IGF2: variants seen among roughly 807,000 people sequenced by gnomAD.
IGF2 encodes the protein insulin-like growth factor 2.
In IGF2, 2 loss-of-function variants were observed where a neutral mutation model predicts 12.0. That is an observed-to-expected ratio of 0.17 (90% confidence interval 0.07 to 0.52). The LOEUF (loss-of-function observed/expected upper bound fraction) is 0.52, where lower values mean the gene tolerates loss of function less well. IGF2 is among the 20% of genes least tolerant of loss of function. The pLI, the probability that IGF2 is intolerant of heterozygous loss-of-function variation, is 0.95. For synonymous variants in IGF2, 105 were observed against 110.1 expected, an observed-to-expected ratio of 0.95 and a Z score of 0.29; for missense variants, 211 against 268.0, an observed-to-expected ratio of 0.79 and a Z score of 1.48.
At chr11:2,135,773 T>C (rs564109401) in intron 1 of IGF2, among the ~76,000 whole-genome samples, 1 of 152,348 alleles carries the variant, frequency 6.6e-6, no homozygotes, top group African/African-American at 2.4e-5. Flanking sequence ...TCCTTCCATT[T>C]GCAAGAAGCA....
the IGF2 span, chr11:2,146,463 C>T: frequency 5.7e-6 from 3 of 522,368 alleles, no homozygotes; most frequent in Non-Finnish European, 1.2e-5. Flanking sequence ...AGGACCCGAA[C>T]TGCAACCCTC....
At chr11:2,135,710 C>T (rs1564896898) in intron 1 of IGF2, among the ~76,000 whole-genome samples, 181 bp from the exon 2 acceptor site, 1 of 152,192 alleles carries the variant, frequency 6.6e-6, no homozygotes, top group Non-Finnish European at 1.5e-5. Context: ...GAGGTGAGGG[C>T]GCAGGGCCAT....
Position 2,133,091 on chromosome 11 carries a change from C to T in IGF2, c.439G>A (p.Glu147Lys), listed in dbSNP as rs150866176. Residue 147 changes from glutamate (E) to lysine (K), a missense_variant, in exon 4 of 4, where the codon GAG becomes AAG. By Grantham distance (56) the Glu-to-Lys change is moderately conservative. Around this residue, in one of 3 missense-constraint regions of IGF2, gnomAD observed 141 missense variants for 153.1 expected, o/e 0.92. Transcript: ENST00000416167. The surrounding 1 kb of genome is among the most constrained non-coding windows in gnomAD (Gnocchi z 8.9). ...TGACGTTTGGCCTCCCTGAACGCCT[C>T]GAGCTCCTTGGCGAGCACGTGACCC... is the stretch of plus-strand genomic sequence containing the variant. ...RRGHVLAKEL[E>K]AFREAKRHRP... 248 of 1,608,036 alleles carry T rather than the reference C, an allele frequency of 1.5e-4. No homozygotes were observed. Among genetic ancestry groups the T allele is most frequent in the African/African-American group, 2.1e-4 (16 of 74,868 alleles).
At chr11:2,135,784 C>T (rs1858973493) in intron 1 of IGF2, among the ~76,000 whole-genome samples, 1 of 152,222 alleles carries the variant, frequency 6.6e-6, no homozygotes, top group African/African-American at 2.4e-5. Context: ...GCAAGAAGCA[C>T]TAGTAATTTT....
chr11:2,149,325 A>G, the IGF2 span: 1 of 1,612,398 alleles, frequency 6.2e-7, no homozygotes, highest in Non-Finnish European at 8.5e-7. Context: ...GACGTGGAGG[A>G]GGAGAGGGAC....
intron 2 of IGF2, among the ~76,000 whole-genome samples, chr11:2,135,148 G>A (rs898679174): frequency 5.3e-5 from 8 of 152,178 alleles, no homozygotes; most frequent in African/African-American, 1.9e-4. Context: ...GGGCACCTCT[G>A]GCCCACCCTT....
the IGF2 span, chr11:2,149,429 C>T: frequency 8.6e-7 from 1 of 1,168,164 alleles, no homozygotes; most frequent in East Asian, 2.4e-5. Flanking sequence ...CTGAGCATGG[C>T]ACCTGCTCAA....
At chr11:2,140,857 C>T, upstream of IGF2, 1 of 349,724 alleles carries the variant, frequency 2.9e-6, no homozygotes. Context: ...GGGAGCTCAC[C>T]GCGAAGCTGG....
At chr11:2,135,192 G>A (rs1031677810) in intron 2 of IGF2, among the ~76,000 whole-genome samples, 175 bp downstream of exon 2, 2 of 152,226 alleles carry the variant, frequency 1.3e-5, no homozygotes, top group African/African-American at 4.8e-5. Flanking sequence ...GGCAGCTGGT[G>A]TGGATGCCCT....
chr11:2,136,826 G>T (rs1029233583), intron 1 of IGF2, among the ~76,000 whole-genome samples: 33 of 152,224 alleles, frequency 2.2e-4, no homozygotes, highest in African/African-American at 7.2e-4. Flanking sequence ...GGCCACTCTA[G>T]CCCTCGCCGC....
chr11:2,149,463 A>G, the IGF2 span: 3 of 845,974 alleles, frequency 3.5e-6, no homozygotes, highest in East Asian at 2.6e-5. Context: ...TGATGGGTTT[A>G]CCCCTCACCT....
At chr11:2,140,569 G>T, upstream of IGF2, 1 of 490,524 alleles carries the variant, frequency 2.0e-6, no homozygotes, top group South Asian at 2.0e-5. Flanking sequence ...TCTCCTCCGC[G>T]TCCCTCGCCC....
chr11:2,137,529 A>AGGG (rs112129175), intron 1 of IGF2, among the ~76,000 whole-genome samples: 9 of 145,634 alleles, frequency 6.2e-5, no homozygotes, highest in Non-Finnish European at 1.1e-4. Flanking sequence ...AGGGCAGTGA[A>AGGG]GGGGGGGGGG....
At position 2,131,833 on chromosome 11, in the gene IGF2, G is replaced by A. The variant is rs577208678; in HGVS notation, c.*1154C>T. On this transcript the variant is annotated 3_prime_UTR_variant, in exon 4 of 4. Coordinates refer to ENST00000416167, the MANE Select transcript of IGF2 (RefSeq NM_000612.6). ...GTGCATGTGTGTGCGTGTGCTGTGC[G>A]TTTGTGTGCTGTGTGCTCGTGTGTG... 2.8e-4 allele frequency: 50 copies of A among 181,054 alleles called. 1 individual carries two copies. Among genetic ancestry groups the A allele is most frequent in the African/African-American group, 1.2e-3 (46 of 38,816 alleles). 11.2% of individuals were successfully genotyped at this position (181,054 alleles called of 1,614,324 possible).
chr11:2,138,772 A>T lies in IGF2; in HGVS notation c.-550T>A. The T allele has an allele frequency of 1.1e-6, 1 of 926,828 alleles. No individual in the cohort carries two copies. Among genetic ancestry groups the T allele is most frequent in the South Asian group, 5.1e-5 (1 of 19,588 alleles). 57.4% of individuals were successfully genotyped at this position (926,828 alleles called of 1,614,324 possible). On this transcript the variant is annotated 5_prime_UTR_variant, in exon 1 of 4. Transcript: ENST00000416167. ...GGAGCGAAGGGAAGGTTGCGGGAGA[A>T]AGAGCGGGGGCCGGGGCCAGACGCC... is the stretch of plus-strand genomic sequence containing the variant.
chr11:2,146,812 G>A, the IGF2 span: 5 of 202,992 alleles, frequency 2.5e-5, no homozygotes, highest in East Asian at 7.1e-4. Flanking sequence ...CCAAGTCCTG[G>A]AGCCTCCCCT....
At chr11:2,140,539 T>G, upstream of IGF2, 5 of 505,028 alleles carry the variant, frequency 9.9e-6, no homozygotes, top group East Asian at 4.0e-5. Flanking sequence ...AGAGGCACTT[T>G]ACCGCCCGGC....
At chr11:2,138,055 G>A (rs550228370) in intron 1 of IGF2, among the ~76,000 whole-genome samples, 174 bp downstream of exon 1, 1 of 151,738 alleles carries the variant, frequency 6.6e-6, no homozygotes, top group Non-Finnish European at 1.5e-5. Flanking sequence ...CGCAGGGAAC[G>A]GGACCCGCAG....
At chr11:2,147,746 C>T in the IGF2 span, 16 of 1,249,444 alleles carry the variant, frequency 1.3e-5, no homozygotes, top group South Asian at 5.3e-4. This position sits in a 1 kb window ranked among gnomAD's most constrained non-coding sequence, Gnocchi z 7.2. Flanking sequence ...GATTCAGAGC[C>T]CTGGGGCTGG....
Sources: allele counts gnomAD v4.1 joint callset (sites outside exome capture counted in the v4.1 genomes callset), GRCh38; gene constraint gnomAD v4.1.1; regional missense constraint gnomAD v4.1.1; non-coding constraint Gnocchi (gnomAD v3.1); transcripts MANE v1.5; gene names NCBI Gene and HGNC (gene_info 2026-07-23, HGNC 2026-07-21).